Variants in CCDC141 observed in about 807,000 individuals in gnomAD.
The protein encoded by CCDC141 is coiled-coil domain containing 141.
CCDC141 carries 168 observed loss-of-function variants against 181.0 expected under a neutral mutation model. That is an observed-to-expected ratio of 0.93 (90% CI 0.82 to 1.05). CCDC141 has a LOEUF of 1.05. CCDC141 is among the 50% of genes least tolerant of loss of function. The pLI is 0.00. For missense variants in CCDC141, 1,902 were observed against 1,788.5 expected (o/e 1.06, Z -1.14); for synonymous variants, 666 against 642.3 (o/e 1.04, Z -0.56).
At chr2:179,025,429 A>G (rs1553504853) in intron 2 of CCDC141, among the ~76,000 whole-genome samples, 1 of 152,074 alleles carries the variant, frequency 6.6e-6, no homozygotes, top group Non-Finnish European at 1.5e-5. Context: ...GATGGTTTTA[A>G]AACGGGAGTT....
chr2:178,911,898 T>C (rs1223484673), intron 7 of CCDC141, among the ~76,000 whole-genome samples: 1 of 152,218 alleles, frequency 6.6e-6, no homozygotes, highest in Non-Finnish European at 1.5e-5. Flanking sequence ...ACCTGCCTTC[T>C]CAGATATGAT....
At chr2:179,003,669 G>T (rs1486798371) in intron 2 of CCDC141, among the ~76,000 whole-genome samples, 1 of 152,094 alleles carries the variant, frequency 6.6e-6, no homozygotes, top group Non-Finnish European at 1.5e-5. Flanking sequence ...AAACTAAGTG[G>T]ACACCATACC....
intron 23 of CCDC141, 199 bp downstream of exon 23, chr2:178,836,695 C>T: frequency 5.5e-6 from 3 of 547,268 alleles, no homozygotes; most frequent in African/African-American, 1.9e-5. Flanking sequence ...TATATGGTTA[C>T]CTTTTATTTT....
At position 178,975,163 on chromosome 2, in the gene CCDC141, A is replaced by G. The variant is rs544208039; in HGVS notation, c.420T>C (p.Phe140=). 19 of 1,427,526 alleles carry G rather than the reference A, an allele frequency of 1.3e-5. No homozygotes were observed. The highest frequency in any genetic ancestry group is 9.6e-6 in the Non-Finnish European group (10 of 1,045,230). The allele number at this position is 1,427,526 out of a possible 1,614,324, so 88.4% of individuals were successfully genotyped here. A position where few individuals can be genotyped will look rare whatever the true frequency, so the allele number is the denominator to read the frequency against. Residue 140 remains phenylalanine, a splice_region_variant and synonymous_variant, in exon 4 of 24, where the codon TTT becomes TTC. Transcript: ENST00000443758. ...CTTCAGCTTGGTCTATTTTAATAGC[A>G]AACTACAATAGAAATACAGAGGAAA... ...TSEFFENALE[F]AIKIDQAEDF...
chr2:178,863,087 G>A (rs1174484981), intron 17 of CCDC141, among the ~76,000 whole-genome samples: 4 of 152,306 alleles, frequency 2.6e-5, no homozygotes, highest in African/African-American at 9.6e-5. Context: ...TATGTAAATG[G>A]TGAATTCTGA....
chr2:179,038,807 G>A (rs926152298), intron 2 of CCDC141, among the ~76,000 whole-genome samples: 1 of 152,124 alleles, frequency 6.6e-6, no homozygotes, highest in African/African-American at 2.4e-5. Context: ...ACTCTAAAGG[G>A]TCATTCTTCA....
chr2:178,967,932 T>A (rs148012345), intron 4 of CCDC141, among the ~76,000 whole-genome samples: 233 of 148,314 alleles, frequency 1.6e-3, no homozygotes, highest in Non-Finnish European at 2.5e-3. Flanking sequence ...AAAGCAAGAG[T>A]TGCAATCCTA....
At chr2:178,880,608 A>G (rs774982374) in intron 11 of CCDC141, among the ~76,000 whole-genome samples, 4 of 152,174 alleles carry the variant, frequency 2.6e-5, no homozygotes, top group Admixed American at 6.5e-5. Context: ...AAAGGGAAAG[A>G]ATTGGGGATT....
intron 2 of CCDC141, among the ~76,000 whole-genome samples, chr2:178,988,650 A>T (rs1691878004): frequency 6.6e-6 from 1 of 152,154 alleles, no homozygotes; most frequent in African/African-American, 2.4e-5. Context: ...ACAGAAATTG[A>T]AGAGATAATC....
chr2:178,986,073 A>C (rs1385730210), intron 2 of CCDC141, among the ~76,000 whole-genome samples: 2 of 152,290 alleles, frequency 1.3e-5, no homozygotes, highest in Non-Finnish European at 2.9e-5. Context: ...CCTCAATAAA[A>C]TACTGGCAAA....
intron 6 of CCDC141, among the ~76,000 whole-genome samples, chr2:178,922,200 T>C (rs994510194): frequency 6.6e-6 from 1 of 152,232 alleles, no homozygotes; most frequent in Non-Finnish European, 1.5e-5. Context: ...AGTGGTGTGC[T>C]AAATGCTTTA....
chr2:179,047,224 T>A, intron 2 of CCDC141, 60 bp downstream of exon 2: 2 of 1,435,152 alleles, frequency 1.4e-6, no homozygotes, highest in Non-Finnish European at 1.8e-6. Flanking sequence ...TCAAGAAGTA[T>A]AAGAAATAGT....
intron 1 of CCDC141, 52 bp from the exon 2 acceptor site, chr2:179,047,458 TCTTCACC>T: frequency 7.3e-7 from 1 of 1,361,730 alleles, no homozygotes; most frequent in Non-Finnish European, 9.6e-7. Context: ...TGTTCCTTCC[TCTTCACC>T]CTTCTCATTT....
At chr2:178,890,626 G>A (rs80241491) in intron 8 of CCDC141, among the ~76,000 whole-genome samples, 3,902 of 152,188 alleles carry the variant, frequency 0.026, 73 homozygotes, top group South Asian at 0.048. Flanking sequence ...ACTCTGACCT[G>A]AACTTGCTCT....
chr2:178,983,360 G>A (rs1160187902), intron 2 of CCDC141, among the ~76,000 whole-genome samples: 4 of 152,180 alleles, frequency 2.6e-5, no homozygotes, highest in Admixed American at 2.0e-4. Context: ...CCACGAAGAG[G>A]GGGAAAAAAC....
chr2:178,823,987 T>C, the CCDC141 span, among the ~76,000 whole-genome samples: 1 of 151,962 alleles, frequency 6.6e-6, no homozygotes. Context: ...GGTGTTTTTC[T>C]AACCTGATCA....
intron 4 of CCDC141, among the ~76,000 whole-genome samples, chr2:178,966,532 C>G (rs1690642310): frequency 6.6e-6 from 1 of 152,196 alleles, no homozygotes; most frequent in South Asian, 2.1e-4. Context: ...AGGGGCCTGA[C>G]TGTCAGAAGG....
rs1285211385 is a variant in CCDC141, at chr2:178,837,579, T to C, written c.3640A>G (p.Ile1214Val). Residue 1214 changes from isoleucine to valine, a missense_variant, in exon 23 of 24, where the codon ATC becomes GTC. Ile to Val is a conservative substitution (Grantham distance 29). Transcript: ENST00000443758. ...CTTCCTGGGAGAGGAGGCAAGGAGA[T>C]GTCATCAGGTGAGACACACTCATAT... ...EEYECVSPDD[I>V]SLPPLPGSPE... 17 of 1,613,920 alleles carry C rather than the reference T, an allele frequency of 1.1e-5. No homozygotes were observed. The South Asian group carries it at 1.5e-4, about 15-fold the overall frequency.
At chr2:179,037,055 T>C (rs1240131113) in intron 2 of CCDC141, among the ~76,000 whole-genome samples, 1 of 152,216 alleles carries the variant, frequency 6.6e-6, no homozygotes, top group African/African-American at 2.4e-5. Flanking sequence ...GAGGCACAGA[T>C]ACATAACTAG....
Sources: allele counts gnomAD v4.1 joint callset (sites outside exome capture counted in the v4.1 genomes callset), GRCh38; gene constraint gnomAD v4.1.1; transcripts MANE v1.5; gene names NCBI Gene and HGNC (gene_info 2026-07-23, HGNC 2026-07-21).